Variants in NRXN3 observed in about 807,000 individuals in gnomAD.
NRXN3 encodes neurexin 3.
Under a neutral mutation model 137.6 loss-of-function variants are expected in NRXN3, and 32 were observed. The ratio of observed to expected loss-of-function variants is 0.23; its 90% confidence interval spans 0.18 to 0.31. The LOEUF is 0.31. Ranked by LOEUF, NRXN3 falls within the 10% of genes least tolerant of loss-of-function variation. NRXN3 has a pLI of 1.00. For missense variants in NRXN3, 1,574 were observed against 2,062.5 expected, an observed-to-expected ratio of 0.76 and a Z score of 4.59; for synonymous variants, 798 against 784.5, an observed-to-expected ratio of 1.02 and a Z score of -0.29.
At chr14:79,553,317 G>A (rs1234615225) in intron 16 of NRXN3, among the ~76,000 whole-genome samples, 1 of 152,006 alleles carries the variant, frequency 6.6e-6, no homozygotes, top group Non-Finnish European at 1.5e-5. Context: ...GGAAGGGGAG[G>A]AAAGGGAAGG....
chr14:79,722,377 C>A (rs2098847677), intron 19 of NRXN3, among the ~76,000 whole-genome samples: 1 of 152,070 alleles, frequency 6.6e-6, no homozygotes, highest in South Asian at 2.1e-4. Context: ...AATCGAATAT[C>A]CTTAGGATGA....
Position 78,685,910 on chromosome 14 carries a change from A to G in NRXN3, c.1222-23307A>G, listed in dbSNP as rs143508643. Among the ~76,000 whole-genome samples the G allele has an allele frequency of 6.4e-4, 97 of 151,684 alleles. 1 individual carries two copies. The highest frequency in any genetic ancestry group is 2.2e-3 in the African/African-American group (93 of 41,338). On this transcript the variant is annotated intron_variant, in intron 6 of 20. Transcript: ENST00000335750. ...GTGATCCACCCACCTCGGCCTCCCAAAGTGCTGGGATTACAGGCGTGTGCC... is the reference window on the plus strand; with the variant it reads ...GTGATCCACCCACCTCGGCCTCCCAGAGTGCTGGGATTACAGGCGTGTGCC...
chr14:78,678,861 A>G (rs998764336), intron 6 of NRXN3, among the ~76,000 whole-genome samples: 1 of 152,128 alleles, frequency 6.6e-6, no homozygotes, highest in Non-Finnish European at 1.5e-5. Context: ...TGCAGGTGTC[A>G]GCTTGGAGCT....
intron 10 of NRXN3, among the ~76,000 whole-genome samples, chr14:78,871,540 A>G (rs578154167): frequency 3.5e-4 from 53 of 152,230 alleles, no homozygotes; most frequent in Admixed American, 1.6e-3. Context: ...GAGGTGCTAC[A>G]CTGTTGGTTC....
At chr14:78,906,080 A>G (rs1194630521) in intron 10 of NRXN3, among the ~76,000 whole-genome samples, 2 of 152,038 alleles carry the variant, frequency 1.3e-5, no homozygotes, top group African/African-American at 4.8e-5. Context: ...TGCATTGGTC[A>G]TTATTTAGAC....
At chr14:78,709,764 T>G (rs1435707427) in intron 7 of NRXN3, 109 bp downstream of exon 7, 1 of 966,336 alleles carries the variant, frequency 1.0e-6, no homozygotes, top group Non-Finnish European at 1.5e-6. Context: ...TTGTTGATTC[T>G]TTTGCTACTC....
At chr14:79,721,011 G>A (rs2154063851) in intron 19 of NRXN3, among the ~76,000 whole-genome samples, 1 of 152,194 alleles carries the variant, frequency 6.6e-6, no homozygotes, top group East Asian at 1.9e-4. Context: ...ATCAGTGGAG[G>A]CTATAAAATG....
rs551419272 is a variant in NRXN3, at chr14:79,808,289, T to A, written c.4093+3099T>A. ...ATATATATATATGTATGTATGTATG[T>A]ATGTATCTCAGGCTTCACATTTTCC... On this transcript the variant is annotated intron_variant, in intron 20 of 20. Transcript: ENST00000335750. Among the ~76,000 whole-genome samples, 90 of 149,118 alleles carry A rather than the reference T, an allele frequency of 6.0e-4. No individual in the cohort carries two copies. The South Asian group carries it at 0.011, about 18-fold the overall frequency.
At chr14:79,807,261 T>C (rs2099211584) in intron 20 of NRXN3, among the ~76,000 whole-genome samples, 1 of 152,066 alleles carries the variant, frequency 6.6e-6, no homozygotes, top group African/African-American at 2.4e-5. Context: ...TTCTTAGCAG[T>C]GATATCTCTA....
chr14:78,597,760 T>C (rs1042667338), intron 4 of NRXN3, among the ~76,000 whole-genome samples: 1 of 152,222 alleles, frequency 6.6e-6, no homozygotes, highest in Non-Finnish European at 1.5e-5. Context: ...ACCACCCAGC[T>C]CTGTATTTTC....
chr14:78,778,804 CTTT>C (rs2098757494), intron 8 of NRXN3, among the ~76,000 whole-genome samples: 2 of 104,450 alleles, frequency 1.9e-5, no homozygotes, highest in Non-Finnish European at 3.9e-5. Flanking sequence ...TTCTTTCTTT[CTTT>C]CTTTCTTTCT....
intron 19 of NRXN3, among the ~76,000 whole-genome samples, chr14:79,755,996 T>G (rs185084905): frequency 6.6e-6 from 1 of 152,300 alleles, no homozygotes; most frequent in East Asian, 1.9e-4. Flanking sequence ...TCATTTACTT[T>G]CTGGCTTCTA....
At chr14:79,106,456 C>G (rs887696324) in intron 15 of NRXN3, among the ~76,000 whole-genome samples, 14 of 151,586 alleles carry the variant, frequency 9.2e-5, no homozygotes, top group African/African-American at 3.2e-4. Context: ...AGACACTGAA[C>G]AGAATTCTGC....
intron 15 of NRXN3, among the ~76,000 whole-genome samples, chr14:79,391,975 C>CT (rs1178405984): frequency 6.6e-6 from 1 of 152,050 alleles, no homozygotes; most frequent in Non-Finnish European, 1.5e-5. Context: ...AGCAGCTAAT[C>CT]TTTTTTTTCT....
intron 16 of NRXN3, among the ~76,000 whole-genome samples, chr14:79,573,994 A>G (rs1182697389): frequency 6.6e-6 from 1 of 152,140 alleles, no homozygotes; most frequent in African/African-American, 2.4e-5. Context: ...AAAGATATTC[A>G]GCCATCATTA....
At chr14:79,558,194 G>C (rs967663898) in intron 16 of NRXN3, among the ~76,000 whole-genome samples, 5 of 151,980 alleles carry the variant, frequency 3.3e-5, no homozygotes, top group African/African-American at 1.2e-4. Flanking sequence ...TCATCCGTGA[G>C]GGTTGGAATC....
At chr14:79,362,867 C>T (rs1221221027) in intron 15 of NRXN3, among the ~76,000 whole-genome samples, 1 of 152,154 alleles carries the variant, frequency 6.6e-6, no homozygotes, top group East Asian at 1.9e-4. Context: ...TAGAAAGATG[C>T]AGAATAACAT....
chr14:79,326,398 C>G (rs1029028618), intron 15 of NRXN3, among the ~76,000 whole-genome samples: 1 of 152,138 alleles, frequency 6.6e-6, no homozygotes, highest in African/African-American at 2.4e-5. Flanking sequence ...GTACCATTAT[C>G]TCCATTATAT....
intron 4 of NRXN3, among the ~76,000 whole-genome samples, chr14:78,581,635 C>T (rs1236132927): frequency 6.6e-6 from 1 of 152,198 alleles, no homozygotes; most frequent in African/African-American, 2.4e-5. Flanking sequence ...TATATATTTT[C>T]ATTATTTTTC....
Sources: gnomAD v4.1 joint callset for allele counts (sites outside exome capture counted in the v4.1 genomes callset) on GRCh38, gnomAD v4.1.1 for gene constraint, MANE v1.5 for transcripts, NCBI Gene and HGNC (gene_info 2026-07-23, HGNC 2026-07-21) for gene names.